Variants in PXDN observed in about 807,000 individuals in gnomAD.
PXDN encodes the protein peroxidasin.
PXDN carries 77 observed loss-of-function variants against 140.3 expected under a neutral mutation model. The observed-to-expected ratio is 0.55, with a 90% CI of 0.46 to 0.66. The LOEUF (loss-of-function observed/expected upper bound fraction) is 0.66. Ranked by LOEUF, PXDN falls within the 30% of genes least tolerant of loss-of-function variation. The pLI, the probability that PXDN is intolerant of heterozygous loss-of-function variation, is 0.00. For synonymous variants in PXDN, 911 were observed against 857.4 expected (o/e 1.06, Z -1.09); for missense variants, 1,838 against 2,039.5 (o/e 0.90, Z 1.90).
intron 8 of PXDN, chr2:1,676,655 C>T (rs751462128): frequency 4.6e-5 from 23 of 500,604 alleles, no homozygotes; most frequent in African/African-American, 7.7e-5. Context: ...TCCCTCCCAC[C>T]GGGAAGGGCC....
In PXDN at chr2:1,643,351, GTGCCCC is replaced by G. The variant is rs1682771218; in HGVS notation, c.3952+11_3952+16del. 3 of 1,608,636 alleles carry G rather than the reference GTGCCCC, an allele frequency of 1.9e-6. No individual in the cohort carries two copies. In the South Asian group the frequency reaches 3.3e-5, roughly 18 times the overall value. ...CAGGGATGAAAAAGGAACAGACATG[GTGCCCC>G]TGGCACGCACCTTCACAGCAGTCCT... On this transcript the variant is annotated intron_variant, in intron 19 of 22. Transcript: ENST00000252804.
chr2:1,674,040 A>C (rs1683639619), intron 8 of PXDN, among the ~76,000 whole-genome samples: 1 of 152,210 alleles, frequency 6.6e-6, no homozygotes, highest in Non-Finnish European at 1.5e-5. Context: ...CTTAGTATTC[A>C]CGTGTTCAAT....
chr2:1,682,805 T>C (rs1001231067), intron 6 of PXDN, among the ~76,000 whole-genome samples: 1 of 152,018 alleles, frequency 6.6e-6, no homozygotes, highest in African/African-American at 2.4e-5. Flanking sequence ...CCAGGCGTGG[T>C]CGCACGCGCC....
chr2:1,677,071 T>G (rs776314662), intron 7 of PXDN, 27 bp from the exon 8 acceptor site: 1 of 1,539,482 alleles, frequency 6.5e-7, no homozygotes, highest in South Asian at 1.2e-5. Context: ...AATGGAAACC[T>G]TTTTAGTCTA....
At chr2:1,679,165 G>A (rs1683804418) in intron 7 of PXDN, among the ~76,000 whole-genome samples, 1 of 148,220 alleles carries the variant, frequency 6.7e-6, no homozygotes, top group Non-Finnish European at 1.5e-5. Flanking sequence ...TGTGTGTGGT[G>A]AGTGTGTGGT....
intron 6 of PXDN, 66 bp from the exon 7 acceptor site, chr2:1,680,428 C>T: frequency 6.4e-7 from 1 of 1,568,314 alleles, no homozygotes; most frequent in Admixed American, 1.7e-5. Context: ...ATCCATCAGA[C>T]AGGGCTTCCA....
In PXDN at chr2:1,685,191, C is replaced by T. The variant is rs115155770; in HGVS notation, c.417-1040G>A. ...CCACACAGGCCACACTGAGTCTCTG[C>T]GGACACCTGCAGCCGGAGGGCCCCC... On this transcript the variant is annotated intron_variant, in intron 4 of 22. Coordinates refer to ENST00000252804, the MANE Select transcript of PXDN (RefSeq NM_012293.3). This position sits in a 1 kb window ranked among gnomAD's most constrained non-coding sequence, Gnocchi z 5.1. Among the ~76,000 whole-genome samples, 7,078 of 152,338 alleles carry T rather than the reference C, an allele frequency of 0.046. 324 individuals are homozygous for T. Among genetic ancestry groups the T allele is most frequent in the Admixed American group, 0.15 (2,333 of 15,298 alleles).
chr2:1,729,704 A>G (rs1171251649), intron 1 of PXDN, among the ~76,000 whole-genome samples: 2 of 152,182 alleles, frequency 1.3e-5, no homozygotes, highest in Non-Finnish European at 2.9e-5. Context: ...CCAAAAATCT[A>G]CTGAAATTTT....
At position 1,649,530 on chromosome 2, in the gene PXDN, G is replaced by C; in HGVS notation, c.2250C>G (p.Asn750Lys). Reference sequence around the variant, plus strand: ...AGGCGCCCCACATGGGGTGCTGCAGGTTGTTACAGGTGCCGTCGTGCGTCC... The same window carrying C: ...AGGCGCCCCACATGGGGTGCTGCAGCTTGTTACAGGTGCCGTCGTGCGTCC... ...KYRTHDGTCN[N>K]LQHPMWGASL... Residue 750 changes from asparagine to lysine, a missense_variant, in exon 17 of 23, where the codon AAC becomes AAG. This residue lies in a region of PXDN where 537 missense variants were observed against 583.9 expected (regional missense o/e 0.92). Transcript: ENST00000252804. This position sits in a 1 kb window ranked among gnomAD's most constrained non-coding sequence, Gnocchi z 7.1. 6.2e-7 allele frequency: 1 copy of C among 1,614,046 alleles called. No homozygotes were observed. The highest frequency in any genetic ancestry group is 8.5e-7 in the Non-Finnish European group (1 of 1,179,894).
intron 19 of PXDN, among the ~76,000 whole-genome samples, chr2:1,640,780 C>T (rs1452264857): frequency 1.3e-5 from 2 of 152,228 alleles, no homozygotes; most frequent in East Asian, 3.9e-4. Flanking sequence ...GTGGGGTCCA[C>T]CCAGGGCTGT....
At chr2:1,642,322 G>A (rs2125406100) in intron 19 of PXDN, among the ~76,000 whole-genome samples, 1 of 152,280 alleles carries the variant, frequency 6.6e-6, no homozygotes, top group East Asian at 1.9e-4. Context: ...TCTATTATCA[G>A]TGCAGATTTC....
intron 8 of PXDN, among the ~76,000 whole-genome samples, chr2:1,675,858 A>G (rs995706898): frequency 2.0e-5 from 3 of 150,526 alleles, no homozygotes; most frequent in African/African-American, 7.4e-5. Context: ...TCTCAGACGC[A>G]TCCCTCTTGC....
At chr2:1,729,059 G>T (rs1397258628) in intron 1 of PXDN, among the ~76,000 whole-genome samples, 2 of 152,110 alleles carry the variant, frequency 1.3e-5, no homozygotes, top group Admixed American at 1.3e-4. Flanking sequence ...GGTCTGGTAA[G>T]AACAGCTGAC....
rs1260856336 is a variant in PXDN, at chr2:1,680,280, T to C, written c.643A>G (p.Asn215Asp). 3.7e-6 allele frequency: 6 copies of C among 1,613,922 alleles called. No individual in the cohort carries two copies. The highest frequency in any genetic ancestry group is 1.6e-4 in the Middle Eastern group (1 of 6,062). Residue 215 changes from asparagine to aspartate, a missense_variant, in exon 7 of 23, where the codon AAC (asparagine) becomes GAC (aspartate). Physicochemically the swap from Asn to Asp is conservative, Grantham distance 23. Coordinates refer to ENST00000252804, the MANE Select transcript of PXDN (RefSeq NM_012293.3). ...DLLKTYAESG[N>D]AQAAAICEYP... The stretch of plus-strand genomic sequence containing the variant: ...TCACAGATGGCCGCTGCCTGCGCGT[T>C]CCCCGACTCCGCGTAGGTTTTCAGC...
chr2:1,688,948 T>A (rs1304678057), intron 3 of PXDN, among the ~76,000 whole-genome samples: 1 of 152,162 alleles, frequency 6.6e-6, no homozygotes, highest in African/African-American at 2.4e-5. Context: ...CCTTATTTCT[T>A]ACAACCCATC....
chr2:1,650,634 C>A (rs1049459628), intron 16 of PXDN, among the ~76,000 whole-genome samples: 2 of 152,158 alleles, frequency 1.3e-5, no homozygotes, highest in Admixed American at 6.5e-5. Flanking sequence ...AGGCCTTCAC[C>A]TTCCTCAACA....
At chr2:1,710,935 C>T (rs1253229065) in intron 1 of PXDN, among the ~76,000 whole-genome samples, 1 of 135,234 alleles carries the variant, frequency 7.4e-6, no homozygotes, top group Non-Finnish European at 1.6e-5. Context: ...CCAGCACCCA[C>T]TCTATGAACA....
Position 1,649,398 on chromosome 2 carries a change from C to CA in PXDN, c.2381dup (p.Met794IlefsTer73). On this transcript the variant is annotated frameshift_variant, in exon 17 of 23. Coordinates refer to ENST00000252804, the MANE Select transcript of PXDN (RefSeq NM_012293.3). LOFTEE classifies it high-confidence loss of function. This position sits in a 1 kb window ranked among gnomAD's most constrained non-coding sequence, Gnocchi z 7.1. ...TCAGGGTGGTGGACACCAGGCGCGG[C>CA]ATGGGAAGGGCGTGCCCGTTGTACA... 2 of 1,613,896 alleles carry CA rather than the reference C, an allele frequency of 1.2e-6. No individual in the cohort carries two copies. The highest frequency in any genetic ancestry group is 1.7e-6 in the Non-Finnish European group (2 of 1,179,858).
rs75299536 is a variant in PXDN at position 1,735,606 on chromosome 2, T to C, written c.200+8650A>G. Among the ~76,000 whole-genome samples, 811 of 152,278 alleles carry C rather than the reference T, an allele frequency of 5.3e-3. 4 individuals carry two copies. The highest frequency in any genetic ancestry group is 0.019 in the African/African-American group (785 of 41,544). On this transcript the variant is annotated intron_variant, in intron 1 of 22. Transcript: ENST00000252804. ...GTAGGTCTCAACAGTGAGCTTAAAA[T>C]ATTCAGAGAACCATGCGGCAAACAA... is the stretch of plus-strand genomic sequence containing the variant.
Sources: allele counts gnomAD v4.1 joint callset (sites outside exome capture counted in the v4.1 genomes callset), GRCh38; gene constraint gnomAD v4.1.1; regional missense constraint gnomAD v4.1.1; non-coding constraint Gnocchi (gnomAD v3.1); transcripts MANE v1.5; gene names NCBI Gene and HGNC (gene_info 2026-07-23, HGNC 2026-07-21).